The following CAST variants were observed in gnomAD, a reference collection of about 807,000 sequenced individuals.
The protein encoded by CAST is MIR583 host.
CAST carries 76 observed loss-of-function variants against 119.6 expected under a neutral mutation model. The ratio of observed to expected loss-of-function variants is 0.64; its 90% CI spans 0.53 to 0.77. The LOEUF (loss-of-function observed/expected upper bound fraction) is 0.77. CAST is among the 30% of genes least tolerant of loss of function. The pLI, the probability that CAST is intolerant of heterozygous loss-of-function variation, is 0.00. For synonymous variants in CAST, 319 were observed against 331.6 expected, an observed-to-expected ratio of 0.96 and a Z score of 0.41; for missense variants, 953 against 946.5, an observed-to-expected ratio of 1.01 and a Z score of -0.09.
At chr5:96,084,285 G>T in the CAST span, among the ~76,000 whole-genome samples, 3 of 152,172 alleles carry the variant, frequency 2.0e-5, no homozygotes, top group Non-Finnish European at 4.4e-5. Context: ...AAACCTGTGG[G>T]TTGCTTTAGT....
intron 1 of CAST, among the ~76,000 whole-genome samples, chr5:96,587,393 C>T (rs1034748518): frequency 2.0e-5 from 3 of 152,146 alleles, no homozygotes; most frequent in Non-Finnish European, 2.9e-5. Context: ...TATCCATTCT[C>T]CTGATTTCCT....
the CAST span, among the ~76,000 whole-genome samples, chr5:96,331,505 T>C: frequency 6.6e-6 from 1 of 152,268 alleles, no homozygotes; most frequent in Non-Finnish European, 1.5e-5. Context: ...ACATCATTCA[T>C]GTTTTCAGTT....
chr5:96,637,086 C>G (rs746843429), intron 1 of CAST, among the ~76,000 whole-genome samples: 3 of 152,198 alleles, frequency 2.0e-5, no homozygotes, highest in African/African-American at 7.2e-5. Context: ...GCATGAGGAG[C>G]AGCATCAGGA....
the CAST span, among the ~76,000 whole-genome samples, chr5:96,071,604 C>T: frequency 6.6e-6 from 1 of 152,128 alleles, no homozygotes; most frequent in African/African-American, 2.4e-5. Context: ...GGAGACTTTC[C>T]TGGCCAGCCT....
chr5:96,168,373 G>A, the CAST span, among the ~76,000 whole-genome samples: 1 of 152,204 alleles, frequency 6.6e-6, no homozygotes, highest in Non-Finnish European at 1.5e-5. Context: ...AATGATGGAG[G>A]ACCCTTGTGT....
At chr5:96,346,676 G>A in the CAST span, among the ~76,000 whole-genome samples, 1 of 152,250 alleles carries the variant, frequency 6.6e-6, no homozygotes, top group Admixed American at 6.5e-5. Flanking sequence ...CACCTCAGTT[G>A]TGACTTTAAG....
At chr5:96,047,629 C>A in the CAST span, among the ~76,000 whole-genome samples, 1 of 152,154 alleles carries the variant, frequency 6.6e-6, no homozygotes, top group Non-Finnish European at 1.5e-5. Context: ...ATAATGCATT[C>A]ATTCATCTAT....
At chr5:96,111,711 A>G in the CAST span, among the ~76,000 whole-genome samples, 1 of 152,222 alleles carries the variant, frequency 6.6e-6, no homozygotes, top group Non-Finnish European at 1.5e-5. Context: ...ATATCACAAC[A>G]TCACAGTACC....
At chr5:96,024,845 C>A in the CAST span, among the ~76,000 whole-genome samples, 1 of 152,106 alleles carries the variant, frequency 6.6e-6, no homozygotes, top group Non-Finnish European at 1.5e-5. Context: ...GGGTGTCCAA[C>A]GCTCCCTTTC....
intron 1 of CAST, among the ~76,000 whole-genome samples, chr5:96,534,669 A>G (rs1385735589): frequency 1.5e-5 from 2 of 131,022 alleles, no homozygotes; most frequent in African/African-American, 5.8e-5. Flanking sequence ...ACTTCATCAA[A>G]GAAAGAAAGA....
At position 96,746,948 on chromosome 5, in the gene CAST, T is replaced by G. The variant is rs114627747; in HGVS notation, c.1285-397T>G. ...GGAATATAGTTACAATTCTAAGTTATGAAACCTCATATCCAAAAAAACTAA... is the reference window on the plus strand; with the variant it reads ...GGAATATAGTTACAATTCTAAGTTAGGAAACCTCATATCCAAAAAAACTAA... On this transcript the variant is annotated intron_variant, in intron 17 of 31. Coordinates refer to ENST00000675179, the MANE Select transcript of CAST (RefSeq NM_001750.7). Among the ~76,000 whole-genome samples, 794 of 152,296 alleles carry G rather than the reference T, an allele frequency of 5.2e-3. 9 individuals are homozygous for G. Among genetic ancestry groups the G allele is most frequent in the African/African-American group, 0.018 (763 of 41,550 alleles).
intron 1 of CAST, among the ~76,000 whole-genome samples, chr5:96,577,204 C>T (rs915264793): frequency 6.6e-6 from 1 of 151,952 alleles, no homozygotes; most frequent in African/African-American, 2.4e-5. Context: ...AATATATGAT[C>T]ATAAAGTTGG....
chr5:96,490,729 T>C, the CAST span, among the ~76,000 whole-genome samples: 2 of 152,052 alleles, frequency 1.3e-5, no homozygotes, highest in East Asian at 3.9e-4. Context: ...TCCTACCTGA[T>C]ACTACTAAAA....
chr5:96,765,271 A>G lies in CAST; in HGVS notation c.1983A>G (p.Leu661=), dbSNP rs1444986743. The G allele has an allele frequency of 1.9e-6, 3 of 1,606,130 alleles. No homozygotes were observed. Among genetic ancestry groups the G allele is most frequent in the Non-Finnish European group, 2.6e-6 (3 of 1,174,864 alleles). Residue 661 remains leucine (L), a synonymous_variant, in exon 26 of 32, where the codon CTA becomes CTG. Coordinates refer to ENST00000675179, the MANE Select transcript of CAST (RefSeq NM_001750.7). The part of the protein sequence containing the change: ...DDALDKLSDS[L]GQRQPDPDEN... The stretch of plus-strand genomic sequence containing the variant: ...CCTTGGATAAACTCTCTGACAGTCT[A>G]GGACAAAGGCAGCCTGACCCAGATG...
At chr5:96,144,788 T>C in the CAST span, among the ~76,000 whole-genome samples, 1 of 152,118 alleles carries the variant, frequency 6.6e-6, no homozygotes, top group Admixed American at 6.5e-5. Context: ...GCGATTATCC[T>C]GCCTCAGCCT....
At chr5:95,967,434 A>AC in the CAST span, among the ~76,000 whole-genome samples, 1 of 151,668 alleles carries the variant, frequency 6.6e-6, no homozygotes, top group Admixed American at 6.6e-5. Flanking sequence ...ATAAATAAAT[A>AC]AATAAATAAA....
chr5:96,614,553 A>G (rs1747419719), intron 1 of CAST, among the ~76,000 whole-genome samples: 1 of 152,172 alleles, frequency 6.6e-6, no homozygotes, highest in African/African-American at 2.4e-5. Context: ...AATGTTTGGC[A>G]GGGGATTAGA....
intron 2 of CAST, among the ~76,000 whole-genome samples, chr5:96,685,875 G>A (rs1298930495): frequency 6.6e-6 from 1 of 152,246 alleles, no homozygotes; most frequent in African/African-American, 2.4e-5. Flanking sequence ...AGCACATTTT[G>A]AGTAACACTG....
At chr5:96,502,784 A>C in the CAST span, among the ~76,000 whole-genome samples, 1 of 152,162 alleles carries the variant, frequency 6.6e-6, no homozygotes, top group African/African-American at 2.4e-5. Flanking sequence ...AGCATAAAAG[A>C]CTATGGAAAT....
Sources: allele counts gnomAD v4.1 joint callset (sites outside exome capture counted in the v4.1 genomes callset), GRCh38; gene constraint gnomAD v4.1.1; transcripts MANE v1.5; gene names NCBI Gene and HGNC (gene_info 2026-07-23, HGNC 2026-07-21).